The following LYPD6 variants were observed in gnomAD, a reference collection of about 807,000 sequenced individuals.
The protein encoded by LYPD6 is ly6/PLAUR domain-containing protein 6.
Under a neutral mutation model 22.7 loss-of-function variants are expected in LYPD6, and 15 were observed. That is an observed-to-expected ratio of 0.66 (90% CI 0.44 to 1.02). LYPD6 has a LOEUF of 1.02. LYPD6 is among the 50% of genes least tolerant of loss of function. The pLI is 0.00. For synonymous variants in LYPD6, 72 were observed against 77.5 expected (o/e 0.93, Z 0.37); for missense variants, 189 against 208.4 (o/e 0.91, Z 0.57).
intron 3 of LYPD6, among the ~76,000 whole-genome samples, chr2:149,449,553 C>T: frequency 6.6e-6 from 1 of 152,210 alleles, no homozygotes; most frequent in East Asian, 1.9e-4. Flanking sequence ...GACTTTCATG[C>T]AGTCTCTAGA....
intron 1 of LYPD6, chr2:149,368,071 C>T (rs760646393): frequency 6.6e-5 from 10 of 152,098 alleles, no homozygotes; most frequent in Non-Finnish European, 1.0e-4. Context: ...GCACAATTAC[C>T]GAATATCATC....
chr2:149,429,573 T>C (rs1374567120), intron 1 of LYPD6, among the ~76,000 whole-genome samples: 1 of 152,268 alleles, frequency 6.6e-6, no homozygotes, highest in Non-Finnish European at 1.5e-5. Flanking sequence ...GTTAGCTCTT[T>C]AGCTCCACTT....
chr2:149,417,102 A>C (rs1300764934), intron 1 of LYPD6, among the ~76,000 whole-genome samples: 2 of 152,100 alleles, frequency 1.3e-5, no homozygotes, highest in Non-Finnish European at 2.9e-5. Flanking sequence ...CCAGCTCATG[A>C]TGGGTAGTTC....
intron 3 of LYPD6, among the ~76,000 whole-genome samples, chr2:149,465,300 C>T (rs548548439): frequency 2.6e-5 from 4 of 152,116 alleles, no homozygotes; most frequent in African/African-American, 7.2e-5. Context: ...GGGAAAAGGG[C>T]ATGGAATTTG....
At chr2:149,362,188 C>A (rs977772430) in intron 1 of LYPD6, among the ~76,000 whole-genome samples, 1 of 152,132 alleles carries the variant, frequency 6.6e-6, no homozygotes, top group African/African-American at 2.4e-5. Context: ...TAATTTGTTA[C>A]AGCAGCAATA....
intron 1 of LYPD6, among the ~76,000 whole-genome samples, chr2:149,424,345 CATA>C (rs1683146291): frequency 6.6e-6 from 1 of 152,144 alleles, no homozygotes; most frequent in African/African-American, 2.4e-5. Flanking sequence ...TGTTGGCAAT[CATA>C]ATAACTAATG....
intron 1 of LYPD6, among the ~76,000 whole-genome samples, chr2:149,408,463 G>T (rs762211124): frequency 3.9e-5 from 6 of 152,172 alleles, no homozygotes; most frequent in Non-Finnish European, 5.9e-5. Context: ...TCTCTAGCAA[G>T]GCTGGGGAGG....
At chr2:149,370,660 C>T (rs1681787922) in intron 1 of LYPD6, 1 of 152,110 alleles carries the variant, frequency 6.6e-6, no homozygotes, top group Non-Finnish European at 1.5e-5. Context: ...ATTACCCGGT[C>T]TGTGGTATAT....
At chr2:149,439,151 T>TG (rs1683500169) in intron 2 of LYPD6, among the ~76,000 whole-genome samples, 2 of 152,282 alleles carry the variant, frequency 1.3e-5, no homozygotes, top group South Asian at 4.1e-4. Context: ...CTTAGTAAAC[T>TG]GGGGGTGCTG....
chr2:149,413,559 C>T lies in LYPD6; in HGVS notation c.-71-24079C>T, dbSNP rs115115668. ...TTCCACCTCATTTCTGTGAGATTTG[C>T]ACTTTCCACTTATTCTTGAAATCAG... On this transcript the variant is annotated intron_variant, in intron 1 of 4. Coordinates refer to ENST00000334166, the MANE Select transcript of LYPD6 (RefSeq NM_194317.5). 7.9e-3 allele frequency among the ~76,000 whole-genome samples: 1,198 copies of T among 152,292 alleles called. 15 individuals carry two copies. Among genetic ancestry groups the T allele is most frequent in the African/African-American group, 0.026 (1,079 of 41,552 alleles).
intron 1 of LYPD6, among the ~76,000 whole-genome samples, chr2:149,337,149 G>T (rs1376385919): frequency 1.3e-5 from 2 of 152,118 alleles, no homozygotes; most frequent in African/African-American, 4.8e-5. Context: ...CACCGAATCT[G>T]TTTCTTTCCT....
At chr2:149,481,022 G>C in the LYPD6 span, among the ~76,000 whole-genome samples, 1 of 152,184 alleles carries the variant, frequency 6.6e-6, no homozygotes, top group Admixed American at 6.5e-5. Context: ...TTCCACAAGT[G>C]TCGATGCCAA....
At chr2:149,377,183 CTCTTT>C (rs1681940324) in intron 1 of LYPD6, among the ~76,000 whole-genome samples, 1 of 151,522 alleles carries the variant, frequency 6.6e-6, no homozygotes, top group South Asian at 2.1e-4. Context: ...AAGTAGATGA[CTCTTT>C]TCTTTCTTTT....
chr2:149,455,459 C>T (rs2105168840), intron 3 of LYPD6, among the ~76,000 whole-genome samples: 1 of 152,122 alleles, frequency 6.6e-6, no homozygotes, highest in Non-Finnish European at 1.5e-5. Context: ...AGTATTTCAC[C>T]ATGTTAGCCA....
chr2:149,478,577 C>T (rs1236806480), downstream of LYPD6, among the ~76,000 whole-genome samples: 3 of 152,002 alleles, frequency 2.0e-5, no homozygotes, highest in Non-Finnish European at 4.4e-5. Context: ...GTGTGTGCCA[C>T]CACACCTGGC....
chr2:149,481,040 C>T, the LYPD6 span, among the ~76,000 whole-genome samples: 1 of 152,198 alleles, frequency 6.6e-6, no homozygotes, highest in Admixed American at 6.5e-5. Flanking sequence ...CAAGAACAGT[C>T]CCTAATCAGT....
chr2:149,405,638 G>A (rs541819052), intron 1 of LYPD6, among the ~76,000 whole-genome samples: 88 of 152,236 alleles, frequency 5.8e-4, no homozygotes, highest in Non-Finnish European at 1.1e-3. Flanking sequence ...TTCTTTATTA[G>A]TCTTGCTAGT....
intron 1 of LYPD6, among the ~76,000 whole-genome samples, chr2:149,345,001 C>T (rs1295017531): frequency 2.6e-5 from 4 of 152,016 alleles, no homozygotes; most frequent in Non-Finnish European, 4.4e-5. Flanking sequence ...TGTGCTGTGA[C>T]TGCACCTGTA....
At chr2:149,406,668 T>G (rs1252848801) in intron 1 of LYPD6, among the ~76,000 whole-genome samples, 2 of 152,048 alleles carry the variant, frequency 1.3e-5, no homozygotes, top group Non-Finnish European at 2.9e-5. Context: ...CACACTGATT[T>G]GTCTTGACTC....
Sources: allele counts gnomAD v4.1 joint callset (sites outside exome capture counted in the v4.1 genomes callset), GRCh38; gene constraint gnomAD v4.1.1; transcripts MANE v1.5; gene names NCBI Gene and HGNC (gene_info 2026-07-23, HGNC 2026-07-21).